GALNT13: variants seen among roughly 807,000 people sequenced by gnomAD.
GALNT13 encodes polypeptide N-acetylgalactosaminyltransferase 13.
GALNT13 carries 28 observed loss-of-function variants against 64.2 expected under a neutral mutation model. That is an observed-to-expected ratio of 0.44 (90% CI 0.32 to 0.60). The LOEUF (loss-of-function observed/expected upper bound fraction) is 0.60. GALNT13 is among the 20% of genes least tolerant of loss of function. The pLI is 0.05. For missense variants in GALNT13, 577 were observed against 669.8 expected, an observed-to-expected ratio of 0.86 and a Z score of 1.53; for synonymous variants, 214 against 224.6, an observed-to-expected ratio of 0.95 and a Z score of 0.42.
At chr2:154,097,180 G>A (rs887912152) in intron 3 of GALNT13, among the ~76,000 whole-genome samples, 11 of 151,892 alleles carry the variant, frequency 7.2e-5, no homozygotes, top group African/African-American at 2.7e-4. Flanking sequence ...GTGTTATCGA[G>A]TGCTTACTAT....
At chr2:153,843,810 C>T in the GALNT13 span, among the ~76,000 whole-genome samples, 1 of 152,138 alleles carries the variant, frequency 6.6e-6, no homozygotes, top group East Asian at 1.9e-4. Flanking sequence ...AGGCCCCATG[C>T]AAGTTTTATG....
At chr2:153,768,692 C>A in the GALNT13 span, among the ~76,000 whole-genome samples, 1 of 151,990 alleles carries the variant, frequency 6.6e-6, no homozygotes, top group Non-Finnish European at 1.5e-5. Context: ...CGGTGAAACC[C>A]CATCTCTACT....
chr2:154,344,117 A>G (rs1655138770), intron 9 of GALNT13, among the ~76,000 whole-genome samples: 1 of 152,178 alleles, frequency 6.6e-6, no homozygotes, highest in East Asian at 1.9e-4. Flanking sequence ...TGATCTTTAC[A>G]GATTCCTTAG....
chr2:153,731,745 C>T, the GALNT13 span, among the ~76,000 whole-genome samples: 1 of 151,750 alleles, frequency 6.6e-6, no homozygotes, highest in Non-Finnish European at 1.5e-5. Context: ...TTTATATTTG[C>T]CAATTTTATA....
At chr2:153,126,503 C>T in the GALNT13 span, among the ~76,000 whole-genome samples, 2 of 151,904 alleles carry the variant, frequency 1.3e-5, no homozygotes, top group Non-Finnish European at 2.9e-5. Context: ...AAATAATGTG[C>T]CTAAGGTCAC....
chr2:154,433,680 T>C (rs1700803492), intron 11 of GALNT13, among the ~76,000 whole-genome samples: 1 of 151,824 alleles, frequency 6.6e-6, no homozygotes, highest in Non-Finnish European at 1.5e-5. Flanking sequence ...ATTTAGAGTT[T>C]TGATTAGTAC....
chr2:153,270,486 C>T, the GALNT13 span, among the ~76,000 whole-genome samples: 29 of 152,298 alleles, frequency 1.9e-4, no homozygotes, highest in African/African-American at 2.4e-4. Flanking sequence ...AGTGCCCAGA[C>T]GCGCACCTCC....
chr2:153,639,036 ATTGTT>A, the GALNT13 span, among the ~76,000 whole-genome samples: 62,857 of 148,324 alleles, frequency 0.42, 13,703 homozygotes, highest in Middle Eastern at 0.63. Flanking sequence ...TAGTTGGAGA[ATTGTT>A]TTGTTTTGTT....
At chr2:154,332,025 T>G (rs920368910) in intron 9 of GALNT13, among the ~76,000 whole-genome samples, 2 of 152,118 alleles carry the variant, frequency 1.3e-5, no homozygotes, top group Non-Finnish European at 2.9e-5. Context: ...GCTGTTGTAC[T>G]GGGTTGAATA....
At chr2:154,376,462 A>T (rs1697999858) in intron 9 of GALNT13, among the ~76,000 whole-genome samples, 1 of 152,148 alleles carries the variant, frequency 6.6e-6, no homozygotes, top group East Asian at 1.9e-4. Context: ...CAGCAGATAG[A>T]TTTTTTAAAA....
the GALNT13 span, among the ~76,000 whole-genome samples, chr2:153,416,711 A>G: frequency 6.6e-6 from 1 of 152,196 alleles, no homozygotes; most frequent in African/African-American, 2.4e-5. Flanking sequence ...TAGTTGATTC[A>G]ACAAATATTT....
the GALNT13 span, among the ~76,000 whole-genome samples, chr2:153,246,267 G>A: frequency 1.3e-5 from 2 of 152,094 alleles, no homozygotes; most frequent in South Asian, 4.1e-4. Flanking sequence ...TAGCAAGACA[G>A]GCCAAAATTC....
chr2:154,176,619 A>G (rs960049482), intron 4 of GALNT13, among the ~76,000 whole-genome samples: 1 of 152,094 alleles, frequency 6.6e-6, no homozygotes, highest in Non-Finnish European at 1.5e-5. Context: ...ATAACAAGAC[A>G]GCTATTTGGT....
At chr2:154,430,696 G>A (rs138369281) in intron 11 of GALNT13, among the ~76,000 whole-genome samples, 16 of 152,250 alleles carry the variant, frequency 1.1e-4, no homozygotes, top group Admixed American at 7.9e-4. Flanking sequence ...AACATCACAT[G>A]CTACAGAAAA....
the GALNT13 span, among the ~76,000 whole-genome samples, chr2:153,611,625 G>A: frequency 1.0e-4 from 15 of 147,790 alleles, no homozygotes; most frequent in Admixed American, 9.5e-4. Context: ...CCTTCCCAAA[G>A]TGCTGGGATT....
the GALNT13 span, among the ~76,000 whole-genome samples, chr2:153,453,120 A>G: frequency 6.6e-6 from 1 of 152,228 alleles, no homozygotes; most frequent in East Asian, 1.9e-4. Context: ...TATTAACTCA[A>G]GATGGATTAA....
chr2:153,986,378 T>C (rs1694802622), intron 3 of GALNT13, among the ~76,000 whole-genome samples: 1 of 151,890 alleles, frequency 6.6e-6, no homozygotes, highest in African/African-American at 2.4e-5. Context: ...CCTGGGTAAG[T>C]CAGATATCAC....
chr2:153,414,008 GA>G, the GALNT13 span, among the ~76,000 whole-genome samples: 1 of 152,174 alleles, frequency 6.6e-6, no homozygotes, highest in Non-Finnish European at 1.5e-5. Flanking sequence ...AAAAATGCCA[GA>G]AAACTTTAAA....
chr2:153,953,727 G>A (rs985953785), intron 3 of GALNT13, among the ~76,000 whole-genome samples: 11 of 152,058 alleles, frequency 7.2e-5, no homozygotes, highest in African/African-American at 1.4e-4. Context: ...TCTCAGCCAG[G>A]AAAATATTTA....
Sources: allele counts gnomAD v4.1 joint callset (sites outside exome capture counted in the v4.1 genomes callset), GRCh38; gene constraint gnomAD v4.1.1; transcripts MANE v1.5; gene names NCBI Gene and HGNC (gene_info 2026-07-23, HGNC 2026-07-21).